The following TRAPPC9 variants were observed in gnomAD, a reference collection of about 807,000 sequenced individuals.
The protein encoded by TRAPPC9 is trafficking protein particle complex subunit 9.
A neutral mutation model predicts 124.0 loss-of-function variants in TRAPPC9; 83 were observed. The ratio of observed to expected loss-of-function variants is 0.67; its 90% CI spans 0.56 to 0.80. The LOEUF (loss-of-function observed/expected upper bound fraction) is 0.80. TRAPPC9 is among the 30% of genes least tolerant of loss of function. The pLI is 0.00. For missense variants in TRAPPC9, 1,302 were observed against 1,508.3 expected, an observed-to-expected ratio of 0.86 and a Z score of 2.27; for synonymous variants, 638 against 617.5, an observed-to-expected ratio of 1.03 and a Z score of -0.49.
upstream of TRAPPC9, among the ~76,000 whole-genome samples, chr8:140,458,105 G>C (rs1157827552): frequency 7.2e-6 from 1 of 138,046 alleles, no homozygotes; most frequent in Non-Finnish European, 1.6e-5. Context: ...GGAGGAGGGA[G>C]GGAAAAAGGA....
At chr8:139,909,841 G>A (rs1386791199) in intron 20 of TRAPPC9, among the ~76,000 whole-genome samples, 1 of 152,192 alleles carries the variant, frequency 6.6e-6, no homozygotes, top group African/African-American at 2.4e-5. Flanking sequence ...ACTGATAGGT[G>A]GCCATTAGAA....
Position 140,268,084 on chromosome 8 carries a change from G to C in TRAPPC9, c.2278+7574C>G, listed in dbSNP as rs551015487. Among the ~76,000 whole-genome samples the C allele has an allele frequency of 2.6e-5, 4 of 152,092 alleles. No homozygotes were observed. In the South Asian group the frequency reaches 8.3e-4, roughly 32 times the overall value. On this transcript the variant is annotated intron_variant, in intron 15 of 22. Transcript: ENST00000438773. The stretch of plus-strand genomic sequence containing the variant: ...TCGTGTGGCAAAATTTTATACAGCA[G>C]ACATTTTAGAGACAGTTAAAGAAGC...
intron 17 of TRAPPC9, among the ~76,000 whole-genome samples, chr8:140,150,304 C>G (rs1310049877): frequency 1.3e-5 from 2 of 152,104 alleles, no homozygotes; most frequent in Non-Finnish European, 2.9e-5. Flanking sequence ...AAAACATTAG[C>G]CAGGTGTGGT....
intron 21 of TRAPPC9, among the ~76,000 whole-genome samples, chr8:139,748,661 C>T (rs1819116604): frequency 6.6e-6 from 1 of 151,946 alleles, no homozygotes; most frequent in African/African-American, 2.4e-5. Flanking sequence ...TTGGCTCTGC[C>T]TGGGCATCTG....
chr8:140,159,137 G>A lies in TRAPPC9; in HGVS notation c.2556+62322C>T, dbSNP rs532685408. Among the ~76,000 whole-genome samples the A allele has an allele frequency of 4.3e-3, 647 of 152,220 alleles. 11 individuals are homozygous for A. Among genetic ancestry groups the A allele is most frequent in the East Asian group, 1.4e-3 (7 of 5,180 alleles). Reference sequence around the variant, plus strand: ...TGCCCACAACACAGTAACCTCCCCCGCCCGCCGCCGCCAAGCCTGCAAGTC... The same window carrying A: ...TGCCCACAACACAGTAACCTCCCCCACCCGCCGCCGCCAAGCCTGCAAGTC... On this transcript the variant is annotated intron_variant, in intron 17 of 22. Coordinates refer to ENST00000438773, the MANE Select transcript of TRAPPC9 (RefSeq NM_001160372.4).
At chr8:140,239,852 T>C (rs994975567) in intron 16 of TRAPPC9, among the ~76,000 whole-genome samples, 8 of 152,214 alleles carry the variant, frequency 5.3e-5, no homozygotes, top group African/African-American at 1.9e-4. Flanking sequence ...GAATTCTGGG[T>C]AATTCAGGAT....
At chr8:140,423,165 C>A (rs1420183344) in intron 5 of TRAPPC9, among the ~76,000 whole-genome samples, 1 of 152,122 alleles carries the variant, frequency 6.6e-6, no homozygotes, top group Non-Finnish European at 1.5e-5. Flanking sequence ...ATGGGCCAGG[C>A]ACAGTGGCTC....
chr8:139,744,466 G>A (rs1370868702), intron 21 of TRAPPC9, among the ~76,000 whole-genome samples: 4 of 152,174 alleles, frequency 2.6e-5, no homozygotes, highest in Admixed American at 6.5e-5. Context: ...GGGTGACAGA[G>A]ACGGAAGAAG....
At chr8:139,895,543 T>C (rs1188752259) in intron 20 of TRAPPC9, among the ~76,000 whole-genome samples, 1 of 152,214 alleles carries the variant, frequency 6.6e-6, no homozygotes, top group Non-Finnish European at 1.5e-5. Flanking sequence ...TTGAACCATG[T>C]GCACCTACTT....
intron 19 of TRAPPC9, among the ~76,000 whole-genome samples, chr8:139,983,394 A>T (rs1837037750): frequency 6.6e-6 from 1 of 152,128 alleles, no homozygotes; most frequent in African/African-American, 2.4e-5. Flanking sequence ...CCTCTCCAGG[A>T]AGCCCTCCTA....
intron 8 of TRAPPC9, among the ~76,000 whole-genome samples, chr8:140,364,775 T>G (rs1409680877): frequency 1.3e-5 from 2 of 151,922 alleles, no homozygotes; most frequent in Non-Finnish European, 2.9e-5. Flanking sequence ...TACAGACGGG[T>G]TGGCCAGGCT....
At chr8:140,190,455 C>T (rs957005190) in intron 17 of TRAPPC9, among the ~76,000 whole-genome samples, 2 of 148,500 alleles carry the variant, frequency 1.3e-5, no homozygotes, top group Non-Finnish European at 3.0e-5. Context: ...CAGACTCCAT[C>T]TCAAAAGAGC....
At chr8:140,139,473 A>C (rs1158947590) in intron 17 of TRAPPC9, among the ~76,000 whole-genome samples, 2 of 152,208 alleles carry the variant, frequency 1.3e-5, no homozygotes, top group Non-Finnish European at 2.9e-5. Flanking sequence ...CCAAAAAGAC[A>C]CAGACGAAAA....
chr8:139,933,395 A>G (rs1833321770), intron 19 of TRAPPC9: 1 of 152,292 alleles, frequency 6.6e-6, no homozygotes, highest in Admixed American at 6.5e-5. Context: ...GCAGGAAGGA[A>G]GTCCTGCCTC....
chr8:140,432,076 G>A (rs966927803), intron 4 of TRAPPC9, among the ~76,000 whole-genome samples: 1 of 152,034 alleles, frequency 6.6e-6, no homozygotes, highest in African/African-American at 2.4e-5. Flanking sequence ...AACAACAACA[G>A]CAAAATTCAA....
chr8:140,030,727 C>A (rs571344758), intron 17 of TRAPPC9, among the ~76,000 whole-genome samples: 1 of 152,188 alleles, frequency 6.6e-6, no homozygotes, highest in Admixed American at 6.5e-5. Context: ...AATCCAAAAC[C>A]CCTTATTCTG....
chr8:139,937,688 C>A (rs1195574416), intron 19 of TRAPPC9, among the ~76,000 whole-genome samples: 1 of 152,186 alleles, frequency 6.6e-6, no homozygotes, highest in Non-Finnish European at 1.5e-5. Flanking sequence ...GTGCTCCTGG[C>A]AGACGGCAGG....
In TRAPPC9 at chr8:140,033,576, A is replaced by G. The variant is rs540007259; in HGVS notation, c.2557-9497T>C. On this transcript the variant is annotated intron_variant, in intron 17 of 22. Transcript: ENST00000438773. ...TTTAAGATAAAATTTCATCCAGGGA[A>G]ATCTCCAAAAAGTTAGAATACAAAA... is the stretch of plus-strand genomic sequence containing the variant. Among the ~76,000 whole-genome samples, 18 of 151,626 alleles carry G rather than the reference A, an allele frequency of 1.2e-4. No individual in the cohort carries two copies. The East Asian group carries it at 3.5e-3, about 29-fold the overall frequency.
chr8:140,157,377 CT>C (rs200179652), intron 17 of TRAPPC9, among the ~76,000 whole-genome samples: 18 of 144,132 alleles, frequency 1.2e-4, no homozygotes, highest in Admixed American at 4.8e-4. Flanking sequence ...AGAAGCCTCC[CT>C]TTTCCATTCA....
Sources: gnomAD v4.1 joint callset for allele counts (sites outside exome capture counted in the v4.1 genomes callset) on GRCh38, gnomAD v4.1.1 for gene constraint, MANE v1.5 for transcripts, NCBI Gene and HGNC (gene_info 2026-07-23, HGNC 2026-07-21) for gene names.